Variants in UBE2E2 observed in about 807,000 individuals in gnomAD.
UBE2E2 encodes ubiquitin-conjugating enzyme E2 E2.
Under a neutral mutation model 24.7 loss-of-function variants are expected in UBE2E2, and 6 were observed. The observed-to-expected ratio is 0.24, with a 90% CI of 0.13 to 0.48. The LOEUF (loss-of-function observed/expected upper bound fraction) is 0.48. Among genes scored for constraint, UBE2E2 ranks in the 20% least tolerant of loss-of-function variants. UBE2E2 has a pLI of 0.99. For synonymous variants in UBE2E2, 104 were observed against 83.6 expected (o/e 1.24, Z -1.33); for missense variants, 169 against 245.0 (o/e 0.69, Z 2.07).
At chr3:23,422,252 C>T (rs142892662) in intron 3 of UBE2E2, among the ~76,000 whole-genome samples, 3 of 152,022 alleles carry the variant, frequency 2.0e-5, no homozygotes, top group Admixed American at 6.5e-5. Flanking sequence ...ATAATAAATA[C>T]GGGGATAGAG....
chr3:23,237,778 T>C (rs1015587371), intron 3 of UBE2E2, among the ~76,000 whole-genome samples: 5 of 152,240 alleles, frequency 3.3e-5, no homozygotes, highest in East Asian at 3.9e-4. Flanking sequence ...ATCAATAGTT[T>C]AGGAGAATAA....
intron 4 of UBE2E2, among the ~76,000 whole-genome samples, chr3:23,500,605 A>G (rs922877520): frequency 6.6e-6 from 1 of 152,210 alleles, no homozygotes; most frequent in Non-Finnish European, 1.5e-5. Context: ...ATGCACAGGG[A>G]TAGAAAACTT....
intron 3 of UBE2E2, among the ~76,000 whole-genome samples, chr3:23,397,707 ATTTG>A (rs1323562496): frequency 5.9e-5 from 9 of 152,178 alleles, no homozygotes; most frequent in African/African-American, 2.2e-4. Flanking sequence ...GGGAACTGTA[ATTTG>A]TTCATTTTCT....
intron 3 of UBE2E2, among the ~76,000 whole-genome samples, chr3:23,456,023 T>C (rs1465538545): frequency 3.9e-5 from 6 of 152,356 alleles, no homozygotes; most frequent in African/African-American, 1.4e-4. Context: ...TCAACTGATA[T>C]TATGTAATAT....
chr3:23,581,167 C>T (rs908081957), intron 5 of UBE2E2, among the ~76,000 whole-genome samples: 1 of 152,036 alleles, frequency 6.6e-6, no homozygotes, highest in Non-Finnish European at 1.5e-5. Flanking sequence ...AACTCCTGGA[C>T]TCAAGGGATC....
chr3:23,548,790 A>G (rs529840094), intron 5 of UBE2E2, among the ~76,000 whole-genome samples: 20 of 152,318 alleles, frequency 1.3e-4, no homozygotes, highest in Non-Finnish European at 2.2e-4. Context: ...ATTTTTTAAG[A>G]GTAGCTTTAT....
At chr3:23,491,638 G>A (rs1699498294) in intron 3 of UBE2E2, among the ~76,000 whole-genome samples, 1 of 152,208 alleles carries the variant, frequency 6.6e-6, no homozygotes, top group African/African-American at 2.4e-5. Context: ...GGGATGGCAA[G>A]GGATGGGACC....
chr3:23,529,798 T>C (rs572439105), intron 4 of UBE2E2, among the ~76,000 whole-genome samples: 3 of 152,236 alleles, frequency 2.0e-5, no homozygotes, highest in Non-Finnish European at 4.4e-5. Flanking sequence ...AGTCTCTGTT[T>C]CATTAACTTA....
chr3:23,307,571 A>G (rs80214639), intron 3 of UBE2E2, among the ~76,000 whole-genome samples: 7,919 of 152,244 alleles, frequency 0.052, 276 homozygotes, highest in South Asian at 0.14. Flanking sequence ...GCTTATTTAA[A>G]TGAAAGCATC....
intron 3 of UBE2E2, among the ~76,000 whole-genome samples, chr3:23,230,884 TC>T (rs1696958198): frequency 6.6e-6 from 1 of 152,130 alleles, no homozygotes; most frequent in African/African-American, 2.4e-5. Flanking sequence ...GCCTTAACAT[TC>T]TTTATTAAGC....
chr3:23,424,595 C>G (rs1227687448), intron 3 of UBE2E2, among the ~76,000 whole-genome samples: 3 of 152,088 alleles, frequency 2.0e-5, no homozygotes, highest in Non-Finnish European at 4.4e-5. Flanking sequence ...GAAAGGTCCT[C>G]TGCTCCAGGC....
At chr3:23,524,803 T>C (rs568684431) in intron 4 of UBE2E2, among the ~76,000 whole-genome samples, 1 of 152,190 alleles carries the variant, frequency 6.6e-6, no homozygotes, top group South Asian at 2.1e-4. Flanking sequence ...GCTTCATTTT[T>C]AAGTACCTTT....
chr3:23,534,143 T>G (rs1238607367), intron 5 of UBE2E2: 1 of 957,230 alleles, frequency 1.0e-6, no homozygotes, highest in Non-Finnish European at 1.2e-6. Context: ...TTTTTTTTTT[T>G]TTTTTTGAGG....
intron 3 of UBE2E2, among the ~76,000 whole-genome samples, chr3:23,326,997 A>G (rs904224527): frequency 6.6e-6 from 1 of 152,242 alleles, no homozygotes. Flanking sequence ...TGCAAAGGAC[A>G]TGAACTCATC....
chr3:23,310,519 G>A (rs1694347033), intron 3 of UBE2E2, among the ~76,000 whole-genome samples: 1 of 152,106 alleles, frequency 6.6e-6, no homozygotes. Context: ...GGAGAAGAAT[G>A]GGGAATGAAA....
Position 23,332,077 on chromosome 3 carries a change from T to C in UBE2E2, c.227+114765T>C, listed in dbSNP as rs888682827. Among the ~76,000 whole-genome samples the C allele has an allele frequency of 2.6e-5, 4 of 152,220 alleles. No homozygotes were observed. The East Asian group carries it at 7.7e-4, about 29-fold the overall frequency. On this transcript the variant is annotated intron_variant, in intron 3 of 5. Transcript: ENST00000396703. ...AAATTTTAAAGTATGTAAAGGAATA[T>C]TGTGGAATAATTTGTATTAATGCTA... is the stretch of plus-strand genomic sequence containing the variant.
At chr3:23,480,694 G>C (rs2125441905) in intron 3 of UBE2E2, among the ~76,000 whole-genome samples, 1 of 151,102 alleles carries the variant, frequency 6.6e-6, no homozygotes, top group East Asian at 1.9e-4. Context: ...GAAAATAAAA[G>C]CCATTTTAAA....
intron 3 of UBE2E2, among the ~76,000 whole-genome samples, chr3:23,374,632 G>A (rs977897005): frequency 3.9e-5 from 6 of 152,232 alleles, no homozygotes; most frequent in Admixed American, 3.9e-4. Context: ...GGATGAAACT[G>A]CAGTGATGAG....
At chr3:23,498,031 G>C (rs542103948) in intron 3 of UBE2E2, among the ~76,000 whole-genome samples, 2 of 151,970 alleles carry the variant, frequency 1.3e-5, no homozygotes, top group East Asian at 1.9e-4. Context: ...TCATTTCCCC[G>C]ATTTTGATGA....
Sources: allele counts gnomAD v4.1 joint callset (sites outside exome capture counted in the v4.1 genomes callset), GRCh38; gene constraint gnomAD v4.1.1; transcripts MANE v1.5; gene names NCBI Gene and HGNC (gene_info 2026-07-23, HGNC 2026-07-21).